Variants in ARID1A observed in about 807,000 individuals in gnomAD.
ARID1A encodes AT-rich interactive domain-containing protein 1A.
A neutral mutation model predicts 212.6 loss-of-function variants in ARID1A; 20 were observed. The observed-to-expected ratio is 0.09, with a 90% CI of 0.07 to 0.14. ARID1A has a LOEUF of 0.14. Ranked by LOEUF, ARID1A falls within the 10% of genes least tolerant of loss-of-function variation. The probability of loss-of-function intolerance (pLI) is 1.00; values close to 1 mark genes in which losing one functional copy is unlikely to be tolerated. For synonymous variants in ARID1A, 1,376 were observed against 1,222.1 expected (o/e 1.13, Z -2.63); for missense variants, 2,587 against 3,059.0 (o/e 0.85, Z 3.64).
At chr1:26,720,195 C>T (rs2080547889) in intron 1 of ARID1A, among the ~76,000 whole-genome samples, 1 of 150,674 alleles carries the variant, frequency 6.6e-6, no homozygotes, top group Admixed American at 6.6e-5. Context: ...AAGTTGGAGT[C>T]AGCCGAGGTC....
chr1:26,697,247 G>A lies in ARID1A; in HGVS notation c.844G>A (p.Ala282Thr), dbSNP rs2080277238. The stretch of plus-strand genomic sequence containing the variant: ...CATGGGGGGAGGCGGCCCCTCCGCG[G>A]CCGGCGGGGGAACTCCCCAGCCCAC... The part of the protein sequence containing the change: ...GAMGGGGPSA[A>T]GGGTPQPTAT... Residue 282 changes from alanine to threonine, a missense_variant, in exon 1 of 20, where the codon GCC becomes ACC. Transcript: ENST00000324856. 6 of 1,372,264 alleles carry A rather than the reference G, an allele frequency of 4.4e-6. No homozygotes were observed. Among genetic ancestry groups the A allele is most frequent in the Non-Finnish European group, 5.6e-6 (6 of 1,070,430 alleles). 85.0% of individuals were successfully genotyped at this position (1,372,264 alleles called of 1,614,324 possible).
At position 26,779,530 on chromosome 1, in the gene ARID1A, C is replaced by A. The variant is rs2081170574; in HGVS notation, c.5632C>A (p.Pro1878Thr). Residue 1878 changes from proline (P) to threonine (T), a missense_variant, in exon 20 of 20, where the codon CCT becomes ACT. By Grantham distance (38) the Pro-to-Thr change is conservative. Around this residue, in one of 11 missense-constraint regions of ARID1A, gnomAD observed 890 missense variants for 1,098.2 expected, o/e 0.81. Transcript: ENST00000324856. ...GCCTCACGCACCCTGCCCACCAGCC[C>A]CTCGGAAGCATGTGACAACAGCAGA... The part of the protein sequence containing the change: ...SRPHAPCPPA[P>T]RKHVTTAEGT... The A allele has an allele frequency of 6.2e-7, 1 of 1,614,104 alleles. No homozygotes were observed.
At position 26,780,580 on chromosome 1, in the gene ARID1A, G is replaced by A. The variant is rs2124151791; in HGVS notation, c.6682G>A (p.Val2228Met). 1 of 1,614,164 alleles carries A rather than the reference G, an allele frequency of 6.2e-7. No homozygotes were observed. The highest frequency in any genetic ancestry group is 8.5e-7 in the Non-Finnish European group (1 of 1,179,982). ...MQNPPFEPTSVDMMRRAARAL... is the reference protein window; with the variant it reads ...MQNPPFEPTSMDMMRRAARAL... ...GAACCCACCCTTTGAGCCAACTAGTGTGGACATGATGCGGCGGGCTGCCCG... is the reference window on the plus strand; with the variant it reads ...GAACCCACCCTTTGAGCCAACTAGTATGGACATGATGCGGCGGGCTGCCCG... Residue 2228 changes from valine to methionine, a missense_variant, in exon 20 of 20, where the codon GTG becomes ATG. Coordinates refer to ENST00000324856, the MANE Select transcript of ARID1A (RefSeq NM_006015.6). The surrounding 1 kb of genome is among the most constrained non-coding windows in gnomAD (Gnocchi z 7.2).
intron 1 of ARID1A, among the ~76,000 whole-genome samples, chr1:26,712,115 G>A (rs1052955815): frequency 6.6e-6 from 1 of 152,170 alleles, no homozygotes; most frequent in Middle Eastern, 3.4e-3. Flanking sequence ...TGACTGTGGT[G>A]GTCTCCAAGT....
chr1:26,734,343 C>CTTTTTT (rs55976597), intron 4 of ARID1A, among the ~76,000 whole-genome samples: 1 of 121,474 alleles, frequency 8.2e-6, no homozygotes, highest in Non-Finnish European at 1.7e-5. Context: ...TATTTGGCTT[C>CTTTTTT]TTTTTTTTTT....
chr1:26,729,018 A>T (rs1474255626), intron 1 of ARID1A: 1 of 152,132 alleles, frequency 6.6e-6, no homozygotes, highest in Non-Finnish European at 1.5e-5. Context: ...CTTGTCTCTC[A>T]AAGAGATAAA....
At chr1:26,709,313 C>T (rs565608968) in intron 1 of ARID1A, among the ~76,000 whole-genome samples, 1 of 152,182 alleles carries the variant, frequency 6.6e-6, no homozygotes, top group Non-Finnish European at 1.5e-5. Flanking sequence ...AGCAAGCCTC[C>T]AGGAGAGTTG....
chr1:26,767,512 A>G (rs1260642410), intron 10 of ARID1A, among the ~76,000 whole-genome samples: 1 of 152,200 alleles, frequency 6.6e-6, no homozygotes, highest in Admixed American at 6.5e-5. Context: ...CTGCTTCCTT[A>G]TCTTTACAAA....
At chr1:26,720,392 G>C (rs1464103549) in intron 1 of ARID1A, among the ~76,000 whole-genome samples, 1 of 151,666 alleles carries the variant, frequency 6.6e-6, no homozygotes, top group Non-Finnish European at 1.5e-5. Context: ...AGAATCACAT[G>C]AAACCGGGAG....
chr1:26,766,375 T>TA lies in ARID1A; in HGVS notation c.2878+10dup. ...GGCCAACAATTCTGCAGGTAAGTGCTAGTCATTCTCACTAGGGATTTCTTC... is the reference window on the plus strand; with the variant it reads ...GGCCAACAATTCTGCAGGTAAGTGCTAAGTCATTCTCACTAGGGATTTCTTC... On this transcript the variant is annotated intron_variant, in intron 9 of 19. Coordinates refer to ENST00000324856, the MANE Select transcript of ARID1A (RefSeq NM_006015.6). 1 of 1,614,126 alleles carries TA rather than the reference T, an allele frequency of 6.2e-7. No homozygotes were observed.
intron 6 of ARID1A, 97 bp from the exon 7 acceptor site, chr1:26,762,055 A>G (rs113319329): frequency 2.9e-6 from 4 of 1,361,876 alleles, no homozygotes; most frequent in South Asian, 3.0e-5. Flanking sequence ...AGTGGCTGCT[A>G]AAGAAAATGT....
rs2080257947 is a variant in ARID1A at position 26,696,656 on chromosome 1, GGCGGCGGAGCCGGCA to G, written c.261_275del (p.Ala88_Gly92del). 3 of 1,315,288 alleles carry G rather than the reference GGCGGCGGAGCCGGCA, an allele frequency of 2.3e-6. No individual in the cohort carries two copies. Among genetic ancestry groups the G allele is most frequent in the South Asian group, 2.2e-5 (1 of 44,660 alleles). 81.5% of individuals were successfully genotyped at this position (1,315,288 alleles called of 1,614,324 possible). A position where few individuals can be genotyped will look rare whatever the true frequency, so the allele number is the denominator to read the frequency against. On this transcript the variant is annotated inframe_deletion, in exon 1 of 20. Transcript: ENST00000324856. ...GGCCGAGAGCAATGGGGGTGGCGGC[GGCGGCGGAGCCGGCA>G]GCGGCGGCGGGCCCGGCGCGGAGCC...
chr1:26,710,827 C>G (rs939513866), intron 1 of ARID1A, among the ~76,000 whole-genome samples: 1 of 152,032 alleles, frequency 6.6e-6, no homozygotes, highest in Non-Finnish European at 1.5e-5. Flanking sequence ...TCTATGTGCC[C>G]TCCTATGAAA....
chr1:26,749,171 T>TAAC (rs2080863482), intron 4 of ARID1A, among the ~76,000 whole-genome samples: 1 of 151,354 alleles, frequency 6.6e-6, no homozygotes. Context: ...TCTCAAAAAA[T>TAAC]AATAATAATA....
intron 18 of ARID1A, 38 bp downstream of exon 18, chr1:26,775,258 C>T (rs773066813): frequency 5.9e-6 from 9 of 1,534,096 alleles, no homozygotes; most frequent in Non-Finnish European, 3.5e-6. Context: ...CTAATCTGCC[C>T]CTTTCCATCT....
intron 4 of ARID1A, among the ~76,000 whole-genome samples, chr1:26,754,706 G>A (rs1342131453): frequency 6.6e-6 from 1 of 152,196 alleles, no homozygotes; most frequent in Non-Finnish European, 1.5e-5. Context: ...AATGGAGAGA[G>A]AAAGCCAGCA....
At chr1:26,735,116 ATTTT>A (rs35465692) in intron 4 of ARID1A, among the ~76,000 whole-genome samples, 5 of 131,596 alleles carry the variant, frequency 3.8e-5, no homozygotes, top group Non-Finnish European at 3.3e-5. Flanking sequence ...AAAATCCAGA[ATTTT>A]TTTTTTTTTT....
chr1:26,696,070 G>A lies in ARID1A; in HGVS notation c.-334G>A. On this transcript the variant is annotated 5_prime_UTR_variant, in exon 1 of 20. Transcript: ENST00000324856. ...TCACAGCGGGGCCAGGCCCTGGGGA[G>A]CGGAGCCTCCACCGCCCCCCTCATT... 1 of 562,212 alleles carries A rather than the reference G, an allele frequency of 1.8e-6. No individual in the cohort carries two copies. Among genetic ancestry groups the A allele is most frequent in the African/African-American group, 2.0e-5 (1 of 50,080 alleles). 34.8% of individuals were successfully genotyped at this position (562,212 alleles called of 1,614,324 possible).
Position 26,697,079 on chromosome 1 carries a change from G to A in ARID1A, c.676G>A (p.Ala226Thr), listed in dbSNP as rs746698854. The change falls in exon 1 of 20, where the codon GCC (alanine) becomes ACC (threonine). Residue 226 changes from alanine (A) to threonine (T), a missense_variant. Ala to Thr is a moderately conservative substitution (Grantham distance 58). Around this residue, in one of 11 missense-constraint regions of ARID1A, gnomAD observed 735 missense variants for 590.6 expected, o/e 1.24. Transcript: ENST00000324856. ...CAACCGCAGCGCCTACCCCCCGCCC[G>A]CCCCGGCCTACGCGCTGAGCTCCCC... ...YPNRSAYPPP[A>T]PAYALSSPRG... 2 of 1,491,294 alleles carry A rather than the reference G, an allele frequency of 1.3e-6. No homozygotes were observed. The highest frequency in any genetic ancestry group is 1.5e-5 in the African/African-American group (1 of 67,892). The allele number at this position is 1,491,294 out of a possible 1,614,324, so 92.4% of individuals were successfully genotyped here. A position where few individuals can be genotyped will look rare whatever the true frequency, so the allele number is the denominator to read the frequency against.
Sources: gnomAD v4.1 joint callset for allele counts (sites outside exome capture counted in the v4.1 genomes callset) on GRCh38, gnomAD v4.1.1 for gene constraint, gnomAD v4.1.1 regional missense constraint, Gnocchi (gnomAD v3.1) non-coding constraint, MANE v1.5 for transcripts, NCBI Gene and HGNC (gene_info 2026-07-23, HGNC 2026-07-21) for gene names.